Variants in DGKB observed in about 807,000 individuals in gnomAD.
DGKB encodes diacylglycerol kinase beta.
A neutral mutation model predicts 114.3 loss-of-function variants in DGKB; 67 were observed. The observed-to-expected ratio is 0.59, with a 90% CI of 0.48 to 0.72. The LOEUF (loss-of-function observed/expected upper bound fraction) is 0.72, where lower values mean the gene tolerates loss of function less well. DGKB is among the 30% of genes least tolerant of loss of function. The pLI, the probability that DGKB is intolerant of heterozygous loss-of-function variation, is 0.00. For synonymous variants in DGKB, 398 were observed against 323.1 expected (o/e 1.23, Z -2.49); for missense variants, 907 against 975.2 (o/e 0.93, Z 0.93).
At chr7:14,188,487 C>A (rs1461499756) in intron 23 of DGKB, among the ~76,000 whole-genome samples, 1 of 130,942 alleles carries the variant, frequency 7.6e-6, no homozygotes, top group Non-Finnish European at 1.7e-5. Context: ...GGTGAAACCC[C>A]GTCTCTACTA....
intron 23 of DGKB, among the ~76,000 whole-genome samples, chr7:14,332,067 C>A (rs1809815156): frequency 1.3e-5 from 2 of 152,156 alleles, no homozygotes; most frequent in African/African-American, 4.8e-5. Context: ...AGTATTTCCA[C>A]ATGGGGCTAC....
At chr7:14,925,599 T>C (rs1197253852) in intron 1 of DGKB, among the ~76,000 whole-genome samples, 1 of 152,212 alleles carries the variant, frequency 6.6e-6, no homozygotes, top group African/African-American at 2.4e-5. Context: ...TTTCAGCATA[T>C]ATATTCTATA....
chr7:14,600,117 G>T (rs1803279499), intron 17 of DGKB, among the ~76,000 whole-genome samples: 1 of 152,136 alleles, frequency 6.6e-6, no homozygotes, highest in African/African-American at 2.4e-5. Flanking sequence ...CTTATTATCT[G>T]CTTCAAGGAT....
At chr7:14,809,366 T>C (rs1203318020) in intron 2 of DGKB, among the ~76,000 whole-genome samples, 2 of 152,008 alleles carry the variant, frequency 1.3e-5, no homozygotes, top group African/African-American at 4.8e-5. Flanking sequence ...GTTTTCAAGG[T>C]TATGAAACAT....
intron 21 of DGKB, among the ~76,000 whole-genome samples, chr7:14,406,512 A>G (rs1191077753): frequency 6.6e-6 from 1 of 152,050 alleles, no homozygotes; most frequent in East Asian, 1.9e-4. Context: ...ACTGATCACG[A>G]CAGCACTTAC....
intron 1 of DGKB, among the ~76,000 whole-genome samples, chr7:14,867,836 G>A (rs1474842890): frequency 6.6e-6 from 1 of 152,102 alleles, no homozygotes; most frequent in Non-Finnish European, 1.5e-5. Flanking sequence ...CTTAACCTAT[G>A]TCTAATTTTA....
intron 1 of DGKB, among the ~76,000 whole-genome samples, chr7:14,880,876 C>T (rs1055993343): frequency 1.3e-5 from 2 of 152,116 alleles, no homozygotes; most frequent in East Asian, 3.9e-4. Context: ...AACCATATTC[C>T]TACTTATGTT....
chr7:14,165,940 T>A (rs571890506), intron 25 of DGKB, among the ~76,000 whole-genome samples: 2 of 152,234 alleles, frequency 1.3e-5, no homozygotes, highest in African/African-American at 4.8e-5. Flanking sequence ...AGCATGGTAT[T>A]TCTTCCTTTC....
At chr7:14,488,837 AAAAAC>A (rs1226112422) in intron 20 of DGKB, among the ~76,000 whole-genome samples, 5 of 96,568 alleles carry the variant, frequency 5.2e-5, no homozygotes, top group African/African-American at 1.9e-4. Flanking sequence ...GTCTCCAAAA[AAAAAC>A]AAAAAAAAAC....
rs774662521 is a variant in DGKB, at chr7:14,682,855, G to A, written c.830-14C>T. The A allele has an allele frequency of 1.3e-6, 2 of 1,556,992 alleles. No individual in the cohort carries two copies. The highest frequency in any genetic ancestry group is 1.7e-6 in the Non-Finnish European group (2 of 1,144,948). On this transcript the variant is annotated splice_polypyrimidine_tract_variant and intron_variant, in intron 10 of 25. Transcript: ENST00000402815. ...TGTACTTGCAGACTGAAAGGAAACA[G>A]GTACACAAATTCAGAGCTAATCCTG...
intron 24 of DGKB, among the ~76,000 whole-genome samples, chr7:14,177,582 TG>T (rs200863878): frequency 8.9e-6 from 1 of 111,880 alleles, no homozygotes; most frequent in South Asian, 2.7e-4. Context: ...AAAAAAAAAT[TG>T]GGGGGAAATT....
intron 20 of DGKB, among the ~76,000 whole-genome samples, chr7:14,562,015 G>T (rs1796728078): frequency 6.6e-6 from 1 of 152,136 alleles, no homozygotes; most frequent in Admixed American, 6.5e-5. Context: ...TGGGCCCAGG[G>T]CCCCCCTCAT....
At chr7:14,347,866 G>T (rs1812745187) in intron 21 of DGKB, among the ~76,000 whole-genome samples, 1 of 152,004 alleles carries the variant, frequency 6.6e-6, no homozygotes, top group Non-Finnish European at 1.5e-5. Flanking sequence ...ACATAATGTT[G>T]CACATCTTGA....
At chr7:14,563,004 A>C (rs1034756975) in intron 20 of DGKB, among the ~76,000 whole-genome samples, 1 of 152,176 alleles carries the variant, frequency 6.6e-6, no homozygotes, top group Non-Finnish European at 1.5e-5. Context: ...GGAGGGACCC[A>C]GTGAGAGGTA....
In DGKB at chr7:14,950,783, T is replaced by C. The variant is rs544303751; in HGVS notation, c.-188+23913A>G. Reference sequence around the variant, plus strand: ...CATTGATAACAAAACTAGACAAAGATACCACAAGAAAAAGTAGTATAGCCC... The same window carrying C: ...CATTGATAACAAAACTAGACAAAGACACCACAAGAAAAAGTAGTATAGCCC... On this transcript the variant is annotated intron_variant, in intron 1 of 4. Transcript: ENST00000437998. Among the ~76,000 whole-genome samples, 3 of 152,006 alleles carry C rather than the reference T, an allele frequency of 2.0e-5. No individual in the cohort carries two copies. In the East Asian group the frequency reaches 5.8e-4, roughly 30 times the overall value.
At chr7:14,630,426 T>G (rs1260350235) in intron 13 of DGKB, among the ~76,000 whole-genome samples, 158 bp from the exon 14 acceptor site, 1 of 152,112 alleles carries the variant, frequency 6.6e-6, no homozygotes, top group Non-Finnish European at 1.5e-5. Context: ...ATTAAATAAT[T>G]AAATATCTTT....
At chr7:14,552,981 C>T (rs991550628) in intron 20 of DGKB, among the ~76,000 whole-genome samples, 2 of 152,174 alleles carry the variant, frequency 1.3e-5, no homozygotes, top group Admixed American at 6.5e-5. Flanking sequence ...CTGATAGTGA[C>T]GGCTTTGAGA....
intron 1 of DGKB, among the ~76,000 whole-genome samples, chr7:14,896,176 G>A (rs1382803917): frequency 6.6e-6 from 1 of 151,632 alleles, no homozygotes; most frequent in Non-Finnish European, 1.5e-5. Flanking sequence ...AAGCAAAACA[G>A]AATATCCTTT....
intron 1 of DGKB, among the ~76,000 whole-genome samples, chr7:14,863,749 G>GT (rs1009882228): frequency 2.0e-5 from 3 of 151,994 alleles, no homozygotes; most frequent in Non-Finnish European, 4.4e-5. Context: ...AACTTTTCAT[G>GT]TTTTTTGTGG....
Sources: allele counts gnomAD v4.1 joint callset (sites outside exome capture counted in the v4.1 genomes callset), GRCh38; gene constraint gnomAD v4.1.1; transcripts MANE v1.5; gene names NCBI Gene and HGNC (gene_info 2026-07-23, HGNC 2026-07-21).